DPP6: variants seen among roughly 807,000 people sequenced by gnomAD.
The protein encoded by DPP6 is dipeptidyl peptidase like 6.
A neutral mutation model predicts 122.6 loss-of-function variants in DPP6; 69 were observed. The observed-to-expected ratio is 0.56, with a 90% CI of 0.46 to 0.69. The LOEUF (loss-of-function observed/expected upper bound fraction) is 0.69. Among genes scored for constraint, DPP6 ranks in the 30% least tolerant of loss-of-function variants. DPP6 has a pLI of 0.00. For missense variants in DPP6, 928 were observed against 1,116.9 expected (o/e 0.83, Z 2.41); for synonymous variants, 418 against 433.1 (o/e 0.97, Z 0.43).
rs545713154 is a variant in DPP6, at chr7:154,880,800, T to G, written c.2079-88T>G. ...TGAAGAGGGGTTTTCATCCTTGAAATGGATGGAAAACATGGCTCTGGGCTA... is the reference window on the plus strand; with the variant it reads ...TGAAGAGGGGTTTTCATCCTTGAAAGGGATGGAAAACATGGCTCTGGGCTA... On this transcript the variant is annotated intron_variant, in intron 20 of 25. Coordinates refer to ENST00000377770, the MANE Select transcript of DPP6 (RefSeq NM_130797.4). The G allele has an allele frequency of 3.2e-4, 514 of 1,607,270 alleles. 2 individuals are homozygous for G. In the African/African-American group the frequency reaches 6.6e-3, roughly 21 times the overall value.
intron 1 of DPP6, among the ~76,000 whole-genome samples, chr7:154,296,981 T>C (rs1260854633): frequency 2.6e-5 from 4 of 152,148 alleles, no homozygotes; most frequent in Admixed American, 2.6e-4. Flanking sequence ...ACAAGCCGTG[T>C]AGGAAGTGTA....
chr7:154,182,105 G>A (rs1257422191), intron 1 of DPP6, among the ~76,000 whole-genome samples: 4 of 152,094 alleles, frequency 2.6e-5, no homozygotes, highest in Non-Finnish European at 5.9e-5. Flanking sequence ...TGGCAGTCTG[G>A]GCTGTGGATG....
chr7:154,562,799 A>T (rs1233038594), intron 4 of DPP6, among the ~76,000 whole-genome samples: 1 of 152,186 alleles, frequency 6.6e-6, no homozygotes, highest in Non-Finnish European at 1.5e-5. Flanking sequence ...ATAATCAATT[A>T]AATATTTAAA....
At chr7:153,801,066 AGC>A in the DPP6 span, among the ~76,000 whole-genome samples, 1 of 151,100 alleles carries the variant, frequency 6.6e-6, no homozygotes, top group Admixed American at 6.6e-5. Flanking sequence ...TATAAACTGC[AGC>A]AAATGCAGAA....
chr7:154,629,334 T>C (rs1835272707), intron 5 of DPP6, among the ~76,000 whole-genome samples: 1 of 152,178 alleles, frequency 6.6e-6, no homozygotes, highest in Non-Finnish European at 1.5e-5. Flanking sequence ...TGCTTTTATT[T>C]TTTTCCTTCA....
At chr7:153,932,510 G>C (rs1801220528) in intron 1 of DPP6, among the ~76,000 whole-genome samples, 1 of 151,958 alleles carries the variant, frequency 6.6e-6, no homozygotes, top group African/African-American at 2.4e-5. Flanking sequence ...TTTCTTTTTT[G>C]AACAAATGCT....
chr7:154,276,797 C>T (rs1196272627), intron 1 of DPP6, among the ~76,000 whole-genome samples: 3 of 152,196 alleles, frequency 2.0e-5, no homozygotes, highest in Non-Finnish European at 4.4e-5. Context: ...CACAGATCCA[C>T]ACATAAGTTT....
intron 1 of DPP6, among the ~76,000 whole-genome samples, chr7:153,901,914 C>T (rs982755285): frequency 2.0e-5 from 3 of 152,120 alleles, no homozygotes; most frequent in Admixed American, 6.5e-5. Flanking sequence ...TGAGGGGAGG[C>T]GTGTTGAAGT....
chr7:153,838,846 G>C, the DPP6 span, among the ~76,000 whole-genome samples: 2 of 152,198 alleles, frequency 1.3e-5, no homozygotes, highest in African/African-American at 2.4e-5. Context: ...TTATTGCTCT[G>C]ATTGTTCCAG....
At chr7:154,829,646 A>G (rs568093789) in intron 16 of DPP6, among the ~76,000 whole-genome samples, 1 of 152,066 alleles carries the variant, frequency 6.6e-6, no homozygotes, top group Non-Finnish European at 1.5e-5. Context: ...CAACAATTAG[A>G]TGGTTTTCAG....
chr7:154,662,207 G>T (rs1374949502), intron 6 of DPP6, among the ~76,000 whole-genome samples: 1 of 146,210 alleles, frequency 6.8e-6, no homozygotes, highest in African/African-American at 2.5e-5. Flanking sequence ...CATATTGGCC[G>T]TAGCGTTCAC....
chr7:154,177,326 A>T (rs1797855215), intron 1 of DPP6, among the ~76,000 whole-genome samples: 1 of 152,168 alleles, frequency 6.6e-6, no homozygotes, highest in Non-Finnish European at 1.5e-5. Flanking sequence ...TACCAATGAG[A>T]TATGGTAAAA....
intron 15 of DPP6, among the ~76,000 whole-genome samples, chr7:154,805,777 A>G (rs762155780): frequency 6.6e-6 from 1 of 152,162 alleles, no homozygotes; most frequent in African/African-American, 2.4e-5. Context: ...GTGAAGTGAG[A>G]TTAGCCCTGG....
At position 154,885,613 on chromosome 7, in the gene DPP6, T is replaced by C; in HGVS notation, c.2134-20T>C. The C allele has an allele frequency of 6.4e-7, 1 of 1,555,372 alleles. No individual in the cohort carries two copies. Among genetic ancestry groups the C allele is most frequent in the Non-Finnish European group, 8.7e-7 (1 of 1,149,286 alleles). ...TTACTGCCAGGACTCCTAACTGTCT[T>C]CTCTCTGCGCTTTCTCCAGGATTAC... On this transcript the variant is annotated intron_variant, in intron 21 of 25. Coordinates refer to ENST00000377770, the MANE Select transcript of DPP6 (RefSeq NM_130797.4).
chr7:154,360,790 C>T (rs922075176), intron 1 of DPP6, among the ~76,000 whole-genome samples: 1 of 152,200 alleles, frequency 6.6e-6, no homozygotes, highest in Admixed American at 6.5e-5. Context: ...TAACAGGAAG[C>T]AGCATAAATA....
At chr7:154,737,971 A>G (rs1842645647) in intron 8 of DPP6, among the ~76,000 whole-genome samples, 1 of 145,550 alleles carries the variant, frequency 6.9e-6, no homozygotes, top group Non-Finnish European at 1.6e-5. Flanking sequence ...AAGTTAAACA[A>G]GAGCGCTTCT....
chr7:153,785,857 C>T, the DPP6 span, among the ~76,000 whole-genome samples: 3 of 150,836 alleles, frequency 2.0e-5, no homozygotes, highest in African/African-American at 7.3e-5. Flanking sequence ...TGGGCTCCTG[C>T]TATGTTGCCC....
At chr7:153,989,077 C>A (rs1242188309) in intron 1 of DPP6, among the ~76,000 whole-genome samples, 2 of 150,444 alleles carry the variant, frequency 1.3e-5, no homozygotes, top group Non-Finnish European at 3.0e-5. Context: ...TCAGGGACAG[C>A]GCCCGCGAGG....
intron 1 of DPP6, among the ~76,000 whole-genome samples, chr7:154,381,536 C>T (rs1027935558): frequency 6.6e-6 from 1 of 152,104 alleles, no homozygotes; most frequent in Non-Finnish European, 1.5e-5. Context: ...AAAGTTTCAT[C>T]AGACCATCCG....
Sources: gnomAD v4.1 joint callset for allele counts (sites outside exome capture counted in the v4.1 genomes callset) on GRCh38, gnomAD v4.1.1 for gene constraint, MANE v1.5 for transcripts, NCBI Gene and HGNC (gene_info 2026-07-23, HGNC 2026-07-21) for gene names.